The following CDH13 variants were observed in gnomAD, a reference collection of about 807,000 sequenced individuals.
CDH13 encodes cadherin 13.
In CDH13, 24 loss-of-function variants were observed where a neutral mutation model predicts 63.8. That is an observed-to-expected ratio of 0.38 (90% CI 0.27 to 0.53). The LOEUF is 0.53. Among genes scored for constraint, CDH13 ranks in the 20% least tolerant of loss-of-function variants. CDH13 has a pLI of 0.85. For synonymous variants in CDH13, 503 were observed against 355.3 expected (o/e 1.42, Z -4.67); for missense variants, 1,049 against 903.1 (o/e 1.16, Z -2.07).
chr16:83,097,998 T>C (rs2034290132), intron 3 of CDH13, among the ~76,000 whole-genome samples: 1 of 151,964 alleles, frequency 6.6e-6, no homozygotes, highest in Non-Finnish European at 1.5e-5. Context: ...CATATCTGGA[T>C]GGAATGAAGG....
intron 3 of CDH13, among the ~76,000 whole-genome samples, chr16:83,111,143 G>T (rs960779095): frequency 6.6e-6 from 1 of 151,544 alleles, no homozygotes; most frequent in Admixed American, 6.6e-5. Context: ...CTGCACTCCA[G>T]CCTGGGCGAC....
chr16:83,660,071 G>A (rs1162622149), intron 8 of CDH13, among the ~76,000 whole-genome samples: 1 of 152,130 alleles, frequency 6.6e-6, no homozygotes, highest in Non-Finnish European at 1.5e-5. Flanking sequence ...ACACTCAGAA[G>A]CCACCACGCC....
intron 13 of CDH13, among the ~76,000 whole-genome samples, chr16:83,785,142 G>C (rs533181663): frequency 1.7e-4 from 26 of 152,328 alleles, no homozygotes; most frequent in Non-Finnish European, 3.2e-4. Context: ...GGGTGGTCCA[G>C]AGGAGTTTGT....
At chr16:83,489,733 G>A (rs2073967434) in intron 7 of CDH13, among the ~76,000 whole-genome samples, 1 of 152,096 alleles carries the variant, frequency 6.6e-6, no homozygotes. Context: ...TATTATTTCT[G>A]AAGACCTTCT....
chr16:83,586,999 G>A (rs1373070516), intron 7 of CDH13, among the ~76,000 whole-genome samples: 11 of 152,226 alleles, frequency 7.2e-5, no homozygotes, highest in South Asian at 2.1e-4. Flanking sequence ...TAGAGTGGGT[G>A]GGTGTCATTT....
intron 2 of CDH13, among the ~76,000 whole-genome samples, chr16:82,924,978 CT>C (rs563428975): frequency 1.9e-4 from 29 of 152,240 alleles, no homozygotes; most frequent in Non-Finnish European, 1.6e-4. Context: ...TCGCATGAGA[CT>C]TTAGAACCGT....
intron 1 of CDH13, among the ~76,000 whole-genome samples, chr16:82,744,316 C>T (rs971489150): frequency 2.6e-5 from 4 of 152,156 alleles, no homozygotes; most frequent in Non-Finnish European, 4.4e-5. Flanking sequence ...CTCTATTTTT[C>T]TCGCTTTTGT....
intron 3 of CDH13, among the ~76,000 whole-genome samples, chr16:83,078,010 C>T (rs72796252): frequency 1.3e-5 from 2 of 152,058 alleles, no homozygotes; most frequent in Non-Finnish European, 2.9e-5. Flanking sequence ...ACATTTTGTT[C>T]GTTTATTGGC....
At chr16:83,758,699 T>C (rs1203593761) in intron 11 of CDH13, among the ~76,000 whole-genome samples, 2 of 152,284 alleles carry the variant, frequency 1.3e-5, no homozygotes, top group African/African-American at 2.4e-5. Flanking sequence ...AGGTATAAGA[T>C]CAGTATACAC....
intron 1 of CDH13, among the ~76,000 whole-genome samples, chr16:82,752,623 C>A (rs992270312): frequency 1.3e-5 from 2 of 152,228 alleles, no homozygotes; most frequent in Non-Finnish European, 2.9e-5. Flanking sequence ...CCTACTCAAA[C>A]AAGCTTAAGA....
At chr16:83,743,740 T>C (rs997234737) in intron 10 of CDH13, among the ~76,000 whole-genome samples, 41 of 95,444 alleles carry the variant, frequency 4.3e-4, no homozygotes, top group Non-Finnish European at 1.6e-4. Flanking sequence ...TTGCCTTTTT[T>C]CTTTTTTCTT....
rs563571924 is a variant in CDH13 at position 82,688,693 on chromosome 16, GCATT to G, written c.45+61559_45+61562del. ...TAAAGATCCGAGGATGATCAAGTGA[GCATT>G]CAATTATTCTTACCTTCATTTAAAA... On this transcript the variant is annotated intron_variant, in intron 1 of 13. Coordinates refer to ENST00000567109, the MANE Select transcript of CDH13 (RefSeq NM_001257.5). Among the ~76,000 whole-genome samples, 297 of 152,270 alleles carry G rather than the reference GCATT, an allele frequency of 2.0e-3. 3 individuals are homozygous for G. The highest frequency in any genetic ancestry group is 6.9e-3 in the African/African-American group (287 of 41,566).
chr16:83,060,246 C>T (rs1004412161), intron 3 of CDH13, among the ~76,000 whole-genome samples: 1 of 152,146 alleles, frequency 6.6e-6, no homozygotes, highest in Admixed American at 6.5e-5. Context: ...GTTGCCACAA[C>T]TTCTTTGGTT....
chr16:83,351,524 T>G (rs2090951462), intron 6 of CDH13, among the ~76,000 whole-genome samples: 1 of 152,120 alleles, frequency 6.6e-6, no homozygotes, highest in Non-Finnish European at 1.5e-5. Flanking sequence ...CTCTCTTCAC[T>G]CCTCAGGGTC....
chr16:83,553,836 C>T (rs2150675306), intron 7 of CDH13, among the ~76,000 whole-genome samples: 1 of 152,328 alleles, frequency 6.6e-6, no homozygotes, highest in South Asian at 2.1e-4. Flanking sequence ...GGATTACAGG[C>T]GTGAGCCACC....
intron 1 of CDH13, among the ~76,000 whole-genome samples, chr16:82,806,527 C>T (rs2037155068): frequency 6.6e-6 from 1 of 152,152 alleles, no homozygotes; most frequent in Admixed American, 6.6e-5. Context: ...GTAACATTAT[C>T]TCTCTCCTGA....
chr16:82,683,054 A>T lies in CDH13; in HGVS notation c.45+55917A>T, dbSNP rs16958231. 2.0e-3 allele frequency among the ~76,000 whole-genome samples: 307 copies of T among 152,310 alleles called. 1 individual carries two copies. Among genetic ancestry groups the T allele is most frequent in the African/African-American group, 6.9e-3 (288 of 41,558 alleles). ...AACTTAGCCAAGTTATTCAGTTTCC[A>T]TGGAGCTTAGTGTTCTCAGCTTAAA... On this transcript the variant is annotated intron_variant, in intron 1 of 13. Transcript: ENST00000567109.
chr16:83,443,081 A>T (rs1223734597), intron 6 of CDH13, among the ~76,000 whole-genome samples: 2 of 152,246 alleles, frequency 1.3e-5, no homozygotes, highest in Non-Finnish European at 2.9e-5. Flanking sequence ...TGCATATTTC[A>T]TCTCAGCAGA....
chr16:83,014,223 A>G (rs1914450538), intron 2 of CDH13, among the ~76,000 whole-genome samples: 2 of 151,796 alleles, frequency 1.3e-5, no homozygotes, highest in African/African-American at 4.8e-5. Flanking sequence ...TCAAACTAAT[A>G]CTACACTCTC....
Sources: gnomAD v4.1 joint callset for allele counts (sites outside exome capture counted in the v4.1 genomes callset) on GRCh38, gnomAD v4.1.1 for gene constraint, MANE v1.5 for transcripts, NCBI Gene and HGNC (gene_info 2026-07-23, HGNC 2026-07-21) for gene names.